FNBP1L: variants seen among roughly 807,000 people sequenced by gnomAD.
The protein encoded by FNBP1L is formin-binding protein 1-like.
A neutral mutation model predicts 91.2 loss-of-function variants in FNBP1L; 36 were observed. The ratio of observed to expected loss-of-function variants is 0.39; its 90% CI spans 0.30 to 0.52. The LOEUF is 0.52. Among genes scored for constraint, FNBP1L ranks in the 20% least tolerant of loss-of-function variants. The pLI is 0.66. For synonymous variants in FNBP1L, 242 were observed against 237.0 expected, an observed-to-expected ratio of 1.02 and a Z score of -0.19; for missense variants, 571 against 732.1, an observed-to-expected ratio of 0.78 and a Z score of 2.54.
In FNBP1L at chr1:93,458,357, T is replaced by C. The variant is rs571775490; in HGVS notation, c.24+10052T>C. Among the ~76,000 whole-genome samples the C allele has an allele frequency of 3.9e-5, 6 of 152,268 alleles. No homozygotes were observed. In the South Asian group the frequency reaches 1.2e-3, roughly 32 times the overall value. On this transcript the variant is annotated intron_variant, in intron 1 of 16. Transcript: ENST00000271234. ...GTTGCCCATGCTGGTCTTGAACTTC[T>C]AGGCCCAAGTGATCCTCCTGCCCCA...
At chr1:93,514,318 A>T (rs1486884587) in intron 2 of FNBP1L, among the ~76,000 whole-genome samples, 1 of 151,990 alleles carries the variant, frequency 6.6e-6, no homozygotes, top group Non-Finnish European at 1.5e-5. Context: ...GGAAGAATCA[A>T]TATCGTGAAA....
intron 5 of FNBP1L, among the ~76,000 whole-genome samples, chr1:93,524,675 C>CT (rs1671441521): frequency 6.9e-6 from 1 of 145,280 alleles, no homozygotes; most frequent in Non-Finnish European, 1.5e-5. Flanking sequence ...TCTTAGAAGA[C>CT]TATTTCCTGA....
At chr1:93,481,895 C>T (rs938398431) in intron 1 of FNBP1L, among the ~76,000 whole-genome samples, 1 of 152,176 alleles carries the variant, frequency 6.6e-6, no homozygotes, top group Admixed American at 6.5e-5. Context: ...CACAGTGGCT[C>T]ACACCTGTAA....
chr1:93,543,976 T>TAA, intron 11 of FNBP1L, 131 bp from the exon 12 acceptor site: 1 of 508,846 alleles, frequency 2.0e-6, no homozygotes, highest in Middle Eastern at 2.9e-4. Context: ...TCTTTTTTTT[T>TAA]TAAGGGGTTG....
intron 16 of FNBP1L, 102 bp downstream of exon 16, chr1:93,551,207 A>T (rs1376699897): frequency 4.1e-5 from 57 of 1,394,468 alleles, no homozygotes; most frequent in Non-Finnish European, 1.1e-5. Context: ...TGAAAAAAAT[A>T]AGGAAACTTA....
chr1:93,510,985 T>A (rs940883483), intron 2 of FNBP1L, among the ~76,000 whole-genome samples: 1 of 152,172 alleles, frequency 6.6e-6, no homozygotes, highest in African/African-American at 2.4e-5. Context: ...CTGATTGGTG[T>A]ACCTGAAAGT....
chr1:93,522,059 T>C lies in FNBP1L; in HGVS notation c.141-23T>C, dbSNP rs767856648. 21 of 1,451,634 alleles carry C rather than the reference T, an allele frequency of 1.4e-5. No homozygotes were observed. The East Asian group carries it at 5.5e-4, about 38-fold the overall frequency. The allele number at this position is 1,451,634 out of a possible 1,614,324, so 89.9% of individuals were successfully genotyped here. On this transcript the variant is annotated intron_variant, in intron 2 of 16. Coordinates refer to ENST00000271234, the MANE Select transcript of FNBP1L (RefSeq NM_001164473.3). ...ACAATAGTTGAAATTTTTAATAAAC[T>C]TTAAAAAATCTTCTTCCTATAGAAA...
chr1:93,525,998 G>A (rs928334830), intron 5 of FNBP1L, among the ~76,000 whole-genome samples: 6 of 152,100 alleles, frequency 3.9e-5, no homozygotes, highest in South Asian at 2.1e-4. Flanking sequence ...TTCCTAACAC[G>A]TTTGAAATAA....
intron 1 of FNBP1L, among the ~76,000 whole-genome samples, chr1:93,497,792 G>C (rs1017396429): frequency 2.6e-5 from 4 of 151,912 alleles, no homozygotes; most frequent in Non-Finnish European, 4.4e-5. Flanking sequence ...GCCAATTTTT[G>C]TATTTTTAGT....
chr1:93,511,271 A>G (rs1230172322), intron 2 of FNBP1L, among the ~76,000 whole-genome samples: 6 of 152,266 alleles, frequency 3.9e-5, no homozygotes, highest in Non-Finnish European at 7.3e-5. Context: ...CAGAAACTCT[A>G]CAAGCCAGAA....
chr1:93,543,952 C>T (rs1672131487), intron 11 of FNBP1L, 155 bp from the exon 12 acceptor site: 3 of 481,042 alleles, frequency 6.2e-6, no homozygotes, highest in East Asian at 3.4e-5. Context: ...TAAACACACA[C>T]ATCTGTGTAG....
intron 2 of FNBP1L, among the ~76,000 whole-genome samples, chr1:93,513,924 A>G (rs1056925349): frequency 6.6e-5 from 10 of 152,162 alleles, no homozygotes; most frequent in Non-Finnish European, 7.3e-5. Context: ...GGCCAGGGCA[A>G]TTAGGCAGGA....
chr1:93,533,706 C>G (rs1671756800), intron 8 of FNBP1L, among the ~76,000 whole-genome samples: 2 of 152,152 alleles, frequency 1.3e-5, no homozygotes, highest in African/African-American at 2.4e-5. Context: ...ATGAACCTAT[C>G]AAGTAGATAT....
At chr1:93,531,981 T>C (rs1671691713) in intron 7 of FNBP1L, among the ~76,000 whole-genome samples, 2 of 152,200 alleles carry the variant, frequency 1.3e-5, no homozygotes, top group African/African-American at 4.8e-5. Flanking sequence ...CCTAGTGGCA[T>C]GTGCCAGTGA....
chr1:93,518,258 ATTCTAGAGC>A (rs1458188895), intron 2 of FNBP1L, among the ~76,000 whole-genome samples: 3 of 152,194 alleles, frequency 2.0e-5, no homozygotes, highest in Non-Finnish European at 4.4e-5. Flanking sequence ...TGGAAACGGC[ATTCTAGAGC>A]TCAGTGATGA....
At chr1:93,535,809 G>A (rs1671828111) in intron 9 of FNBP1L, among the ~76,000 whole-genome samples, 1 of 151,432 alleles carries the variant, frequency 6.6e-6, no homozygotes, top group African/African-American at 2.4e-5. Context: ...GATGTACAAG[G>A]AATACTGGAA....
intron 1 of FNBP1L, among the ~76,000 whole-genome samples, chr1:93,479,989 A>G (rs1669637551): frequency 6.6e-6 from 1 of 152,216 alleles, no homozygotes; most frequent in Admixed American, 6.5e-5. Context: ...TGTCCAGGAA[A>G]TCTTCACAAT....
intron 11 of FNBP1L, among the ~76,000 whole-genome samples, chr1:93,542,443 GAAAAAAAA>G (rs61650755): frequency 3.6e-5 from 3 of 82,544 alleles, no homozygotes; most frequent in South Asian, 5.4e-4. Flanking sequence ...ATTGGTAAAT[GAAAAAAAA>G]AAAAAAAAAA....
At chr1:93,458,039 C>T (rs1668728978) in intron 1 of FNBP1L, among the ~76,000 whole-genome samples, 2 of 152,192 alleles carry the variant, frequency 1.3e-5, no homozygotes, top group African/African-American at 4.8e-5. Context: ...GATCTGCCGC[C>T]TCAGCCTCCC....
Sources: gnomAD v4.1 joint callset for allele counts (sites outside exome capture counted in the v4.1 genomes callset) on GRCh38, gnomAD v4.1.1 for gene constraint, MANE v1.5 for transcripts, NCBI Gene and HGNC (gene_info 2026-07-23, HGNC 2026-07-21) for gene names.